The following CALD1 variants were observed in gnomAD, a reference collection of about 807,000 sequenced individuals.
CALD1 encodes the protein caldesmon 1, also known as caldesmon.
CALD1 carries 33 observed loss-of-function variants against 99.9 expected under a neutral mutation model. The ratio of observed to expected loss-of-function variants is 0.33; its 90% confidence interval spans 0.25 to 0.44. The LOEUF is 0.44. Among genes scored for constraint, CALD1 ranks in the 20% least tolerant of loss-of-function variants. The pLI is 1.00. For missense variants in CALD1, 861 were observed against 962.1 expected, an observed-to-expected ratio of 0.89 and a Z score of 1.39; for synonymous variants, 310 against 325.0, an observed-to-expected ratio of 0.95 and a Z score of 0.50.
At chr7:134,907,736 A>G (rs1399530944) in intron 3 of CALD1, among the ~76,000 whole-genome samples, 2 of 152,106 alleles carry the variant, frequency 1.3e-5, no homozygotes, top group East Asian at 3.9e-4. Context: ...TACAGTGAGG[A>G]TTTCATTTTT....
chr7:134,775,297 A>T (rs1240462166), upstream of CALD1, among the ~76,000 whole-genome samples: 1 of 152,140 alleles, frequency 6.6e-6, no homozygotes, highest in African/African-American at 2.4e-5. Context: ...AATAGCACTT[A>T]TCTTAATTAG....
chr7:134,921,950 T>C (rs1041703262), intron 3 of CALD1, among the ~76,000 whole-genome samples: 8 of 152,224 alleles, frequency 5.3e-5, no homozygotes, highest in Admixed American at 2.0e-4. Flanking sequence ...TGTCTTTCTA[T>C]AGAATGGTTA....
rs375174452 is a variant in CALD1 at position 134,959,978 on chromosome 7, C to G, written c.2066C>G (p.Thr689Arg). ...AAAATAACTCACAAATTTCAGGGAA[C>G]AAAAAGCGCAAAACCTACAAAGCCG... is the stretch of plus-strand genomic sequence containing the variant. ...LEQYTSAIEG[T>R]KSAKPTKPAA... is the part of the protein sequence containing the mutation. The change falls in exon 12 of 15, where the codon ACA becomes AGA. Residue 689 changes from threonine to arginine, a missense_variant. Coordinates refer to ENST00000361675, the MANE Select transcript of CALD1 (RefSeq NM_033138.4). The G allele has an allele frequency of 4.0e-5, 64 of 1,612,888 alleles. No individual in the cohort carries two copies. The highest frequency in any genetic ancestry group is 5.1e-5 in the Non-Finnish European group (60 of 1,179,650).
chr7:134,729,599 C>T, the CALD1 span, among the ~76,000 whole-genome samples: 1 of 152,238 alleles, frequency 6.6e-6, no homozygotes, highest in Non-Finnish European at 1.5e-5. Flanking sequence ...GTGCAAGTCT[C>T]CCCCTGGCCA....
At chr7:134,786,771 C>T (rs1477733034) in intron 1 of CALD1, among the ~76,000 whole-genome samples, 2 of 152,180 alleles carry the variant, frequency 1.3e-5, no homozygotes, top group Non-Finnish European at 2.9e-5. Context: ...TTTCAATATA[C>T]CACATTACTT....
chr7:134,811,162 C>T (rs917051784), intron 1 of CALD1, among the ~76,000 whole-genome samples: 3 of 152,204 alleles, frequency 2.0e-5, no homozygotes, highest in African/African-American at 7.2e-5. Context: ...CCTTGTATAT[C>T]CTGCCCTCAA....
chr7:134,955,896 GGATGGATA>G (rs1160581330), intron 9 of CALD1, among the ~76,000 whole-genome samples: 17 of 152,122 alleles, frequency 1.1e-4, no homozygotes, highest in Non-Finnish European at 1.5e-4. Context: ...TAGGATAGAT[GGATGGATA>G]GATGGATGGA....
At chr7:134,946,017 C>G (rs912340382) in intron 7 of CALD1, among the ~76,000 whole-genome samples, 5 of 152,156 alleles carry the variant, frequency 3.3e-5, no homozygotes, top group African/African-American at 9.7e-5. Context: ...TTTCTGTCTT[C>G]CCTCCTGATC....
At chr7:134,858,281 T>C (rs1308067459) in intron 2 of CALD1, among the ~76,000 whole-genome samples, 1 of 152,118 alleles carries the variant, frequency 6.6e-6, no homozygotes. Context: ...TGTCTCAGCT[T>C]CTTTTGTATT....
At chr7:134,763,274 T>A (rs1244462647) in intron 1 of CALD1, among the ~76,000 whole-genome samples, 1 of 152,190 alleles carries the variant, frequency 6.6e-6, no homozygotes, top group Non-Finnish European at 1.5e-5. Context: ...CTAAGCATAA[T>A]ACATAAACAT....
At chr7:134,891,232 T>C (rs1257582966) in intron 3 of CALD1, among the ~76,000 whole-genome samples, 1 of 152,200 alleles carries the variant, frequency 6.6e-6, no homozygotes, top group Non-Finnish European at 1.5e-5. Context: ...GCATATAAAG[T>C]CTTCATCAGG....
At chr7:134,917,642 A>G (rs1038243217) in intron 3 of CALD1, among the ~76,000 whole-genome samples, 1 of 152,146 alleles carries the variant, frequency 6.6e-6, no homozygotes, top group South Asian at 2.1e-4. Context: ...GAGCCAGCAC[A>G]CCAGGCCTAT....
At chr7:134,889,232 T>C (rs1303950619) in intron 3 of CALD1, among the ~76,000 whole-genome samples, 5 of 152,196 alleles carry the variant, frequency 3.3e-5, no homozygotes, top group Admixed American at 6.5e-5. Flanking sequence ...GCTGTATTCC[T>C]TCCTGGAGGC....
intron 1 of CALD1, among the ~76,000 whole-genome samples, chr7:134,770,887 A>T (rs1191275931): frequency 6.6e-6 from 1 of 152,212 alleles, no homozygotes. Context: ...GCTCAAGGCA[A>T]ACCACATGGT....
intron 1 of CALD1, among the ~76,000 whole-genome samples, chr7:134,810,224 A>T (rs1006361287): frequency 1.3e-5 from 2 of 152,312 alleles, no homozygotes; most frequent in East Asian, 3.9e-4. Context: ...AATTGACTTA[A>T]ATCCTACTCA....
intron 9 of CALD1, among the ~76,000 whole-genome samples, chr7:134,956,047 A>C (rs1194318645): frequency 6.6e-6 from 1 of 152,234 alleles, no homozygotes; most frequent in Non-Finnish European, 1.5e-5. Flanking sequence ...AATTAAAATC[A>C]GAAAAATAAG....
intron 3 of CALD1, among the ~76,000 whole-genome samples, chr7:134,898,247 T>C (rs755737910): frequency 5.9e-5 from 9 of 152,226 alleles, no homozygotes; most frequent in Non-Finnish European, 1.2e-4. Flanking sequence ...TTCTGTGTAA[T>C]TCACAGGGTG....
the CALD1 span, among the ~76,000 whole-genome samples, chr7:134,735,762 T>C: frequency 3.3e-5 from 5 of 152,222 alleles, no homozygotes; most frequent in Admixed American, 3.3e-4. Flanking sequence ...GGAACTTTTT[T>C]CTAAAATGTT....
intron 3 of CALD1, among the ~76,000 whole-genome samples, chr7:134,899,207 CTTTTTT>C (rs981812367): frequency 2.2e-5 from 3 of 137,994 alleles, no homozygotes; most frequent in African/African-American, 7.9e-5. Flanking sequence ...CTTTCTTTTT[CTTTTTT>C]TTTTTTTTTT....
Sources: gnomAD v4.1 joint callset for allele counts (sites outside exome capture counted in the v4.1 genomes callset) on GRCh38, gnomAD v4.1.1 for gene constraint, MANE v1.5 for transcripts, NCBI Gene and HGNC (gene_info 2026-07-23, HGNC 2026-07-21) for gene names.